Variants in IMMP2L observed in about 807,000 individuals in gnomAD.
IMMP2L encodes mitochondrial inner membrane protease subunit 2.
In IMMP2L, 18 loss-of-function variants were observed where a neutral mutation model predicts 19.3. The observed-to-expected ratio is 0.93, with a 90% CI of 0.64 to 1.38. The LOEUF (loss-of-function observed/expected upper bound fraction) is 1.38, where lower values mean the gene tolerates loss of function less well. Ranked by LOEUF, IMMP2L falls within the 40% of genes most tolerant of loss-of-function variation. IMMP2L has a pLI of 0.00. For missense variants in IMMP2L, 233 were observed against 218.2 expected, an observed-to-expected ratio of 1.07 and a Z score of -0.43; for synonymous variants, 76 against 73.0, an observed-to-expected ratio of 1.04 and a Z score of -0.21.
At chr7:111,507,878 G>A (rs544772141) in intron 2 of IMMP2L, among the ~76,000 whole-genome samples, 7 of 152,110 alleles carry the variant, frequency 4.6e-5, no homozygotes, top group African/African-American at 7.2e-5. Context: ...CAAAATCTCC[G>A]TCATCAGGAT....
chr7:110,833,927 G>C (rs1018943450), intron 5 of IMMP2L, among the ~76,000 whole-genome samples: 6 of 152,106 alleles, frequency 3.9e-5, no homozygotes, highest in Admixed American at 3.9e-4. Context: ...ATTCATGAAG[G>C]CCTCTGAGAT....
rs554722139 is a variant in IMMP2L, at chr7:111,034,971, C to T, written c.240-71406G>A. On this transcript the variant is annotated intron_variant, in intron 3 of 5. Transcript: ENST00000405709. ...TTAAACTTCACAGAGGAAAACTCCA[C>T]ATATAACCAAACTGTACTTCCATTA... 2.6e-5 allele frequency among the ~76,000 whole-genome samples: 4 copies of T among 152,262 alleles called. No individual in the cohort carries two copies. The South Asian group carries it at 8.3e-4, about 32-fold the overall frequency.
At chr7:111,255,991 T>G (rs556851829) in intron 3 of IMMP2L, among the ~76,000 whole-genome samples, 18 of 152,196 alleles carry the variant, frequency 1.2e-4, no homozygotes, top group South Asian at 4.2e-4. Flanking sequence ...TCAAAGATAT[T>G]TAATGAGCAG....
intron 3 of IMMP2L, among the ~76,000 whole-genome samples, chr7:110,999,304 CTT>C (rs992468876): frequency 7.9e-6 from 1 of 127,362 alleles, no homozygotes. Flanking sequence ...AATTTGTTTT[CTT>C]TTTTTTTTTT....
rs549190864 is a variant in IMMP2L, at chr7:111,451,688, T to C, written c.239+35550A>G. Among the ~76,000 whole-genome samples, 4 of 143,298 alleles carry C rather than the reference T, an allele frequency of 2.8e-5. No individual in the cohort carries two copies. In the South Asian group the frequency reaches 8.7e-4, roughly 31 times the overall value. 94.0% of individuals were successfully genotyped at this position (143,298 alleles called of 152,430 possible). On this transcript the variant is annotated intron_variant, in intron 3 of 5. Transcript: ENST00000405709. ...GTAACTAACCTGCACAATGTGCACA[T>C]GTACCCTAAAACTTAAAGTATAATT...
At chr7:111,055,059 T>A (rs1479474730) in intron 3 of IMMP2L, among the ~76,000 whole-genome samples, 2 of 151,256 alleles carry the variant, frequency 1.3e-5, no homozygotes, top group Admixed American at 6.6e-5. Context: ...TTCTTTTTTT[T>A]TTTTTCCCAG....
At chr7:110,685,715 AT>A (rs535275693) in intron 5 of IMMP2L, among the ~76,000 whole-genome samples, 41 of 150,670 alleles carry the variant, frequency 2.7e-4, no homozygotes, top group Admixed American at 1.1e-3. Context: ...GTTATGTTTC[AT>A]TTTTTTTTCT....
intron 2 of IMMP2L, among the ~76,000 whole-genome samples, chr7:111,512,290 A>G (rs1845521000): frequency 6.6e-6 from 1 of 152,172 alleles, no homozygotes; most frequent in Non-Finnish European, 1.5e-5. Flanking sequence ...CCACATTAGT[A>G]TGGTTCTATT....
intron 4 of IMMP2L, chr7:110,963,107 G>C (rs1398009049): frequency 4.6e-6 from 7 of 1,506,960 alleles, no homozygotes; most frequent in Non-Finnish European, 5.3e-6. Flanking sequence ...GTACAAAAGA[G>C]TCCTCTTAGT....
intron 3 of IMMP2L, among the ~76,000 whole-genome samples, chr7:111,325,341 C>T (rs1269685342): frequency 6.6e-6 from 1 of 151,354 alleles, no homozygotes; most frequent in Non-Finnish European, 1.5e-5. Context: ...TAAATAATAA[C>T]AGTATTTGGT....
At chr7:110,890,710 G>C (rs562911029) in intron 4 of IMMP2L, among the ~76,000 whole-genome samples, 1 of 152,122 alleles carries the variant, frequency 6.6e-6, no homozygotes, top group Non-Finnish European at 1.5e-5. Context: ...GGTTTTGACA[G>C]TCAAAAATGA....
At chr7:110,837,580 G>A (rs898355609) in intron 5 of IMMP2L, among the ~76,000 whole-genome samples, 8 of 152,024 alleles carry the variant, frequency 5.3e-5, no homozygotes, top group African/African-American at 1.9e-4. Flanking sequence ...TACTTCCGTA[G>A]GGTTCTATTT....
intron 3 of IMMP2L, among the ~76,000 whole-genome samples, chr7:111,446,409 G>T (rs553554413): frequency 4.2e-4 from 63 of 148,662 alleles, no homozygotes; most frequent in Non-Finnish European, 6.8e-4. Flanking sequence ...CCTGACCCCC[G>T]AGCAGCCTAA....
chr7:110,774,501 A>G (rs1364836293), intron 5 of IMMP2L, among the ~76,000 whole-genome samples: 2 of 152,100 alleles, frequency 1.3e-5, no homozygotes, highest in South Asian at 4.1e-4. Flanking sequence ...AAATAATATA[A>G]ATCTGTTTTA....
chr7:111,476,782 A>T (rs993653438), intron 3 of IMMP2L, among the ~76,000 whole-genome samples: 1 of 152,146 alleles, frequency 6.6e-6, no homozygotes, highest in Non-Finnish European at 1.5e-5. Flanking sequence ...GGCTGTAACA[A>T]TGTGTTGCAT....
chr7:110,807,969 G>T (rs977954324), intron 5 of IMMP2L, among the ~76,000 whole-genome samples: 3 of 151,932 alleles, frequency 2.0e-5, no homozygotes, highest in African/African-American at 7.2e-5. Flanking sequence ...CAGCCTGAAG[G>T]TTTTTAAGAA....
At chr7:111,151,834 G>A (rs1478096296) in intron 3 of IMMP2L, among the ~76,000 whole-genome samples, 1 of 152,126 alleles carries the variant, frequency 6.6e-6, no homozygotes, top group Non-Finnish European at 1.5e-5. Context: ...TACTCAGGAG[G>A]CTGAGGCACA....
intron 3 of IMMP2L, among the ~76,000 whole-genome samples, chr7:111,003,278 C>T (rs1823914434): frequency 6.6e-6 from 1 of 151,916 alleles, no homozygotes; most frequent in Admixed American, 6.6e-5. Flanking sequence ...GAGATTTTTG[C>T]CATACAATGG....
At chr7:111,372,755 G>A (rs1002191772) in intron 3 of IMMP2L, among the ~76,000 whole-genome samples, 4 of 152,028 alleles carry the variant, frequency 2.6e-5, no homozygotes, top group African/African-American at 7.2e-5. Flanking sequence ...TGAACATAAT[G>A]TATGAGCAAG....
Sources: allele counts gnomAD v4.1 joint callset (sites outside exome capture counted in the v4.1 genomes callset), GRCh38; gene constraint gnomAD v4.1.1; transcripts MANE v1.5; gene names NCBI Gene and HGNC (gene_info 2026-07-23, HGNC 2026-07-21).